Variants in RUSC2 observed in about 807,000 individuals in gnomAD.
The protein encoded by RUSC2 is AP-4 complex accessory subunit RUSC2.
Under a neutral mutation model 122.2 loss-of-function variants are expected in RUSC2, and 34 were observed. That is an observed-to-expected ratio of 0.28 (90% CI 0.21 to 0.37). RUSC2 has a LOEUF of 0.37. Among genes scored for constraint, RUSC2 ranks in the 10% least tolerant of loss-of-function variants. RUSC2 has a pLI of 1.00. For missense variants in RUSC2, 1,747 were observed against 1,952.4 expected, an observed-to-expected ratio of 0.89 and a Z score of 1.98; for synonymous variants, 784 against 790.0, an observed-to-expected ratio of 0.99 and a Z score of 0.13.
chr9:35,513,311 C>T (rs1286559723), intron 1 of RUSC2, among the ~76,000 whole-genome samples: 5 of 152,010 alleles, frequency 3.3e-5, no homozygotes, highest in African/African-American at 7.2e-5. Context: ...GGTACGATCT[C>T]GGCTCACTGC....
chr9:35,556,062 C>T lies in RUSC2; in HGVS notation c.2767C>T (p.Leu923=). 6.2e-7 allele frequency: 1 copy of T among 1,614,212 alleles called. No homozygotes were observed. Among genetic ancestry groups the T allele is most frequent in the Non-Finnish European group, 8.5e-7 (1 of 1,180,030 alleles). ...SLDRRSQEAR[L]ARRNPIFEFP... ...AGACCGAAGATCACAAGAAGCTCGG[C>T]TGGCCCGAAGAAACCCTATCTTTGA... is the stretch of plus-strand genomic sequence containing the variant. Residue 923 remains leucine, a synonymous_variant, in exon 4 of 12, where the codon CTG becomes TTG. Coordinates refer to ENST00000361226, the MANE Select transcript of RUSC2 (RefSeq NM_014806.5).
chr9:35,519,102 C>T (rs539307802), intron 1 of RUSC2, among the ~76,000 whole-genome samples: 1 of 152,288 alleles, frequency 6.6e-6, no homozygotes, highest in East Asian at 1.9e-4. Flanking sequence ...CTTCCCTGTC[C>T]TGTTTAATGC....
At chr9:35,534,417 AAT>A (rs1491152232) in intron 1 of RUSC2, among the ~76,000 whole-genome samples, 1 of 85,960 alleles carries the variant, frequency 1.2e-5, no homozygotes, top group Non-Finnish European at 2.6e-5. Context: ...CTCTACAAAT[AAT>A]ACACACACAC....
At chr9:35,502,144 G>A (rs980584570) in intron 1 of RUSC2, among the ~76,000 whole-genome samples, 4 of 152,158 alleles carry the variant, frequency 2.6e-5, no homozygotes, top group Non-Finnish European at 1.5e-5. Context: ...TGGGGCCCAA[G>A]TATTTATCTG....
At chr9:35,513,975 A>G (rs1169887864) in intron 1 of RUSC2, among the ~76,000 whole-genome samples, 3 of 142,572 alleles carry the variant, frequency 2.1e-5, no homozygotes, top group South Asian at 2.2e-4. Flanking sequence ...TTTCTTTTAA[A>G]TACGTTTTTA....
At chr9:35,529,849 C>G (rs563563104) in intron 1 of RUSC2, among the ~76,000 whole-genome samples, 1 of 152,196 alleles carries the variant, frequency 6.6e-6, no homozygotes, top group South Asian at 2.1e-4. Context: ...TCTTCCTTAC[C>G]TTCTTCTTCT....
chr9:35,554,946 T>C, intron 2 of RUSC2, 114 bp from the exon 3 acceptor site: 1 of 1,241,976 alleles, frequency 8.1e-7, no homozygotes, highest in Non-Finnish European at 1.1e-6. Context: ...CCCCATTCAA[T>C]TCCTGCCAGC....
chr9:35,496,417 G>T (rs957194193), intron 1 of RUSC2, among the ~76,000 whole-genome samples: 2 of 152,108 alleles, frequency 1.3e-5, no homozygotes, highest in Non-Finnish European at 2.9e-5. Flanking sequence ...CCAAGGGTTG[G>T]CTAACCTTAG....
At chr9:35,512,800 G>A (rs1821032477) in intron 1 of RUSC2, among the ~76,000 whole-genome samples, 1 of 151,992 alleles carries the variant, frequency 6.6e-6, no homozygotes, top group African/African-American at 2.4e-5. Context: ...ACACACCTGG[G>A]TATGAAACTC....
At position 35,548,804 on chromosome 9, in the gene RUSC2, C is replaced by T. The variant is rs755416284; in HGVS notation, c.2014+269C>T. ...CAGCCCTTTGGGAGGCCAAGCCAGGCGAATCACTTGAGGTCAGGAGTTTGA... is the reference window on the plus strand; with the variant it reads ...CAGCCCTTTGGGAGGCCAAGCCAGGTGAATCACTTGAGGTCAGGAGTTTGA... On this transcript the variant is annotated intron_variant, in intron 2 of 11. Coordinates refer to ENST00000361226, the MANE Select transcript of RUSC2 (RefSeq NM_014806.5). This position sits in a 1 kb window ranked among gnomAD's most constrained non-coding sequence, Gnocchi z 4.5. The T allele has an allele frequency of 9.2e-5, 85 of 921,512 alleles. No homozygotes were observed. Among genetic ancestry groups the T allele is most frequent in the Non-Finnish European group, 1.0e-4 (80 of 771,824 alleles). The allele number at this position is 921,512 out of a possible 1,614,324, so 57.1% of individuals were successfully genotyped here.
In RUSC2 at chr9:35,556,097, C is replaced by T. The variant is rs756794934; in HGVS notation, c.2802C>T (p.Gly934=). Residue 934 remains glycine, a synonymous_variant, in exon 4 of 12, where the codon GGC becomes GGT. Transcript: ENST00000361226. ...GAAACCCTATCTTTGAGTTCCCTGG[C>T]TCCCTCAGTGCTGCCAGCCATCTGA... ...ARRNPIFEFP[G]SLSAASHLNC... 3.1e-6 allele frequency: 5 copies of T among 1,614,222 alleles called. No individual in the cohort carries two copies. The highest frequency in any genetic ancestry group is 1.6e-4 in the Middle Eastern group (1 of 6,062).
intron 1 of RUSC2, among the ~76,000 whole-genome samples, chr9:35,526,785 A>G (rs1358927418): frequency 6.6e-6 from 1 of 152,176 alleles, no homozygotes; most frequent in African/African-American, 2.4e-5. Context: ...AAACAAAATA[A>G]AAGCCACACA....
At chr9:35,496,743 A>G (rs1287320568) in intron 1 of RUSC2, among the ~76,000 whole-genome samples, 2 of 152,160 alleles carry the variant, frequency 1.3e-5, no homozygotes, top group African/African-American at 2.4e-5. Context: ...TACTCCTTCA[A>G]CTGTCGCCCT....
At chr9:35,496,749 G>A (rs892859302) in intron 1 of RUSC2, among the ~76,000 whole-genome samples, 11 of 151,942 alleles carry the variant, frequency 7.2e-5, no homozygotes, top group Non-Finnish European at 1.2e-4. Context: ...TTCAACTGTC[G>A]CCCTGCACCT....
chr9:35,558,481 G>T lies in RUSC2; in HGVS notation c.3255G>T (p.Leu1085=). 6.2e-7 allele frequency: 1 copy of T among 1,614,110 alleles called. No homozygotes were observed. Among genetic ancestry groups the T allele is most frequent in the Non-Finnish European group, 8.5e-7 (1 of 1,180,002 alleles). Residue 1085 remains leucine, a synonymous_variant, in exon 8 of 12, where the codon CTG becomes CTT. Coordinates refer to ENST00000361226, the MANE Select transcript of RUSC2 (RefSeq NM_014806.5). This position sits in a 1 kb window ranked among gnomAD's most constrained non-coding sequence, Gnocchi z 4.3. ...TCCCAGGCCCATCCACCAAGGTCCT[G>T]CATGGCCTCTACAACAAAGTCAGCC... ...STQLGPSTKV[L]HGLYNKVSQF...
At chr9:35,492,468 G>GA (rs77064640) in intron 1 of RUSC2, among the ~76,000 whole-genome samples, 289 of 138,368 alleles carry the variant, frequency 2.1e-3, no homozygotes, top group Admixed American at 2.2e-3. Flanking sequence ...AGTTACCCAG[G>GA]AAAAAAAAAA....
At chr9:35,504,569 G>A (rs570038454) in intron 1 of RUSC2, among the ~76,000 whole-genome samples, 6 of 151,666 alleles carry the variant, frequency 4.0e-5, no homozygotes, top group African/African-American at 1.5e-4. Context: ...AGGTTCAAGC[G>A]ATTCTCCTGC....
At chr9:35,514,342 G>A (rs376801260) in intron 1 of RUSC2, among the ~76,000 whole-genome samples, 48 of 152,240 alleles carry the variant, frequency 3.2e-4, no homozygotes, top group Admixed American at 3.0e-3. Context: ...AATCAGTACC[G>A]AGCTGATCCG....
chr9:35,561,820 G>C lies in RUSC2; in HGVS notation c.*438G>C, dbSNP rs1822187753. 2 of 588,486 alleles carry C rather than the reference G, an allele frequency of 3.4e-6. No individual in the cohort carries two copies. The highest frequency in any genetic ancestry group is 4.6e-4 in the Middle Eastern group (1 of 2,186). 36.5% of individuals were successfully genotyped at this position (588,486 alleles called of 1,614,324 possible). A position where few individuals can be genotyped will look rare whatever the true frequency, so the allele number is the denominator to read the frequency against. On this transcript the variant is annotated 3_prime_UTR_variant, in exon 12 of 12. Transcript: ENST00000361226. Reference sequence around the variant, plus strand: ...GCCTGGTCATCAGAAGAGGGAGGAGGAGCCCAGGCGTCTGTTTATGTATTT... The same window carrying C: ...GCCTGGTCATCAGAAGAGGGAGGAGCAGCCCAGGCGTCTGTTTATGTATTT...
Sources: gnomAD v4.1 joint callset for allele counts (sites outside exome capture counted in the v4.1 genomes callset) on GRCh38, gnomAD v4.1.1 for gene constraint, Gnocchi (gnomAD v3.1) non-coding constraint, MANE v1.5 for transcripts, NCBI Gene and HGNC (gene_info 2026-07-23, HGNC 2026-07-21) for gene names.